ANXA3: variants seen among roughly 807,000 people sequenced by gnomAD.
ANXA3 encodes the protein 35-alpha calcimedin.
Under a neutral mutation model 48.8 loss-of-function variants are expected in ANXA3, and 46 were observed. That is an observed-to-expected ratio of 0.94 (90% confidence interval 0.74 to 1.21). The LOEUF is 1.21. Among genes scored for constraint, ANXA3 ranks in the 50% most tolerant of loss-of-function variants. ANXA3 has a pLI of 0.00. For missense variants in ANXA3, 383 were observed against 378.6 expected, an observed-to-expected ratio of 1.01 and a Z score of -0.10; for synonymous variants, 128 against 134.7, an observed-to-expected ratio of 0.95 and a Z score of 0.35.
chr4:78,555,471 ATGAACT>A (rs2109922346), intron 2 of ANXA3, among the ~76,000 whole-genome samples: 1 of 152,352 alleles, frequency 6.6e-6, no homozygotes, highest in South Asian at 2.1e-4. Context: ...GGTTTAAAAA[ATGAACT>A]TGACAGAAAA....
At chr4:78,583,703 C>T (rs148434520) in intron 5 of ANXA3, among the ~76,000 whole-genome samples, 127 of 152,066 alleles carry the variant, frequency 8.4e-4, no homozygotes, top group African/African-American at 2.8e-3. Flanking sequence ...ATCTGTAGAG[C>T]AGGCTGTCAG....
intron 12 of ANXA3, among the ~76,000 whole-genome samples, chr4:78,609,155 G>T (rs1723707854): frequency 6.6e-6 from 1 of 152,150 alleles, no homozygotes; most frequent in African/African-American, 2.4e-5. Flanking sequence ...TGAAAGTAAT[G>T]CTTAACTTCT....
intron 2 of ANXA3, among the ~76,000 whole-genome samples, chr4:78,558,692 A>T (rs1447942961): frequency 6.6e-6 from 1 of 152,216 alleles, no homozygotes; most frequent in East Asian, 1.9e-4. Flanking sequence ...ATGTTGCATT[A>T]GTATTTCCTT....
At chr4:78,605,453 G>GT (rs1286838293) in intron 12 of ANXA3, among the ~76,000 whole-genome samples, 4 of 152,098 alleles carry the variant, frequency 2.6e-5, no homozygotes, top group Non-Finnish European at 5.9e-5. Flanking sequence ...ATTCTTTTGG[G>GT]TTTTTGTTCT....
intron 6 of ANXA3, among the ~76,000 whole-genome samples, chr4:78,589,564 C>G (rs539029247): frequency 9.8e-5 from 15 of 152,318 alleles, no homozygotes; most frequent in Admixed American, 4.6e-4. Flanking sequence ...GTTCTTGACA[C>G]CAGCAAGTAA....
rs1723733291 is a variant in ANXA3, at chr4:78,610,284, G to A, written c.*169G>A. On this transcript the variant is annotated 3_prime_UTR_variant, in exon 13 of 13. Transcript: ENST00000264908. ...CAACAAAAGCGATTATTATTTTAGA[G>A]CATCTCATTTATAATGTAGCAGCTC... The A allele has an allele frequency of 8.9e-6, 4 of 451,532 alleles. No individual in the cohort carries two copies. In the South Asian group the frequency reaches 1.5e-4, roughly 17 times the overall value. The allele number at this position is 451,532 out of a possible 1,614,324, so 28.0% of individuals were successfully genotyped here. A position where few individuals can be genotyped will look rare whatever the true frequency, so the allele number is the denominator to read the frequency against.
At chr4:78,566,842 A>G (rs1482179351) in intron 2 of ANXA3, among the ~76,000 whole-genome samples, 2 of 152,238 alleles carry the variant, frequency 1.3e-5, no homozygotes, top group African/African-American at 4.8e-5. Flanking sequence ...GAAAAGCTGA[A>G]AAGTATGAAT....
intron 1 of ANXA3, chr4:78,554,086 C>T (rs1419305174): frequency 2.9e-5 from 5 of 171,604 alleles, no homozygotes; most frequent in Admixed American, 1.8e-4. Flanking sequence ...TGTTATTGAT[C>T]CCCGTAGTGG....
intron 2 of ANXA3, among the ~76,000 whole-genome samples, chr4:78,559,990 A>G (rs929594311): frequency 4.6e-5 from 7 of 152,078 alleles, no homozygotes; most frequent in Admixed American, 1.3e-4. Flanking sequence ...GCTTCTGCCT[A>G]TTTCCTGGGC....
At chr4:78,577,970 G>C (rs528317923) in intron 3 of ANXA3, among the ~76,000 whole-genome samples, 3 of 152,134 alleles carry the variant, frequency 2.0e-5, no homozygotes, top group African/African-American at 7.2e-5. Context: ...AATTCATTTT[G>C]TATATGGGTT....
intron 6 of ANXA3, among the ~76,000 whole-genome samples, chr4:78,591,272 C>T (rs768965295): frequency 1.9e-4 from 29 of 152,158 alleles, no homozygotes; most frequent in Non-Finnish European, 3.2e-4. Flanking sequence ...CTATGCATCC[C>T]TTAGTGCCAT....
chr4:78,573,831 G>T (rs948949441), intron 3 of ANXA3, among the ~76,000 whole-genome samples: 2 of 152,192 alleles, frequency 1.3e-5, no homozygotes, highest in Non-Finnish European at 2.9e-5. Context: ...ACTGGTGGGT[G>T]TGTGATTGAG....
At chr4:78,571,354 T>G (rs575768124) in intron 2 of ANXA3, among the ~76,000 whole-genome samples, 1 of 152,314 alleles carries the variant, frequency 6.6e-6, no homozygotes. Flanking sequence ...TCAGGAACAT[T>G]CACAACTAGT....
intron 11 of ANXA3, chr4:78,602,230 A>G (rs1578404874): frequency 2.3e-5 from 3 of 132,376 alleles, no homozygotes; most frequent in African/African-American, 9.3e-5. Flanking sequence ...ACAGAGTGAG[A>G]CTCTGTCTCA....
chr4:78,568,912 G>A (rs1722784006), intron 2 of ANXA3, among the ~76,000 whole-genome samples: 1 of 152,226 alleles, frequency 6.6e-6, no homozygotes, highest in Admixed American at 6.5e-5. Flanking sequence ...AAGACTGTTG[G>A]AACAGACCAC....
intron 2 of ANXA3, among the ~76,000 whole-genome samples, chr4:78,557,697 T>C (rs1360284863): frequency 6.6e-6 from 1 of 151,212 alleles, no homozygotes; most frequent in African/African-American, 2.4e-5. Context: ...TTCTTTTTTT[T>C]TTTTTTTTTT....
At chr4:78,609,695 T>C (rs530624887) in intron 12 of ANXA3, among the ~76,000 whole-genome samples, 87 of 152,352 alleles carry the variant, frequency 5.7e-4, no homozygotes, top group African/African-American at 1.8e-3. Context: ...AAGTAGTTAA[T>C]ACACATTAAG....
At chr4:78,598,693 C>T (rs1723477138) in intron 10 of ANXA3, among the ~76,000 whole-genome samples, 3 of 152,108 alleles carry the variant, frequency 2.0e-5, no homozygotes, top group Admixed American at 2.0e-4. Flanking sequence ...GCACACGCCA[C>T]CACGCCTGGC....
Position 78,610,291 on chromosome 4 carries a change from A to C in ANXA3, c.*176A>C. On this transcript the variant is annotated 3_prime_UTR_variant, in exon 13 of 13. Transcript: ENST00000264908. Reference sequence around the variant, plus strand: ...AGCGATTATTATTTTAGAGCATCTCATTTATAATGTAGCAGCTCATAAATG... The same window carrying C: ...AGCGATTATTATTTTAGAGCATCTCCTTTATAATGTAGCAGCTCATAAATG... 1 of 438,994 alleles carries C rather than the reference A, an allele frequency of 2.3e-6. No homozygotes were observed. Among genetic ancestry groups the C allele is most frequent in the Non-Finnish European group, 4.1e-6 (1 of 245,668 alleles). 27.2% of individuals were successfully genotyped at this position (438,994 alleles called of 1,614,324 possible).
Sources: gnomAD v4.1 joint callset for allele counts (sites outside exome capture counted in the v4.1 genomes callset) on GRCh38, gnomAD v4.1.1 for gene constraint, MANE v1.5 for transcripts, NCBI Gene and HGNC (gene_info 2026-07-23, HGNC 2026-07-21) for gene names.